The following PLEKHA7 variants were observed in gnomAD, a reference collection of about 807,000 sequenced individuals.
The protein encoded by PLEKHA7 is pleckstrin homology domain containing A7, also known as pleckstrin homology domain-containing family A member 7.
Under a neutral mutation model 170.0 loss-of-function variants are expected in PLEKHA7, and 104 were observed. The ratio of observed to expected loss-of-function variants is 0.61; its 90% CI spans 0.52 to 0.72. PLEKHA7 has a LOEUF of 0.72. PLEKHA7 is among the 30% of genes least tolerant of loss of function. PLEKHA7 has a pLI of 0.00. For synonymous variants in PLEKHA7, 648 were observed against 660.8 expected (o/e 0.98, Z 0.30); for missense variants, 1,615 against 1,671.7 (o/e 0.97, Z 0.59).
chr11:16,871,425 T>C (rs2135675437), intron 3 of PLEKHA7, among the ~76,000 whole-genome samples: 1 of 152,228 alleles, frequency 6.6e-6, no homozygotes, highest in Middle Eastern at 3.4e-3. Flanking sequence ...AAGGAAGTCT[T>C]GGCTCCAAGA....
intron 3 of PLEKHA7, among the ~76,000 whole-genome samples, chr11:16,990,252 C>A (rs966250331): frequency 8.2e-6 from 1 of 122,248 alleles, no homozygotes; most frequent in African/African-American, 3.1e-5. Flanking sequence ...CCAGCCTGGG[C>A]AACAGAGCAA....
At chr11:16,995,544 C>A (rs769321046) in intron 3 of PLEKHA7, among the ~76,000 whole-genome samples, 4 of 152,336 alleles carry the variant, frequency 2.6e-5, no homozygotes, top group Admixed American at 1.3e-4. Flanking sequence ...AGCACCTGCA[C>A]TATTATCCTG....
intron 3 of PLEKHA7, among the ~76,000 whole-genome samples, chr11:17,007,843 G>A (rs1865101534): frequency 6.6e-6 from 1 of 152,234 alleles, no homozygotes; most frequent in East Asian, 1.9e-4. Flanking sequence ...CAAAGTGCTG[G>A]GATTACTGGG....
At chr11:16,935,482 T>C (rs1398137923) in intron 3 of PLEKHA7, among the ~76,000 whole-genome samples, 1 of 152,240 alleles carries the variant, frequency 6.6e-6, no homozygotes, top group African/African-American at 2.4e-5. Context: ...GGCATGTCAG[T>C]GCCCACTGCT....
chr11:16,791,593 G>A lies in PLEKHA7; in HGVS notation c.2746-394C>T. 1 of 470,508 alleles carries A rather than the reference G, an allele frequency of 2.1e-6. No homozygotes were observed. Among genetic ancestry groups the A allele is most frequent in the Middle Eastern group, 3.2e-4 (1 of 3,156 alleles). The allele number at this position is 470,508 out of a possible 1,614,324, so 29.1% of individuals were successfully genotyped here. On this transcript the variant is annotated intron_variant, in intron 19 of 26. Transcript: ENST00000531066. This position sits in a 1 kb window ranked among gnomAD's most constrained non-coding sequence, Gnocchi z 4.5. Reference sequence around the variant, plus strand: ...CTTATCACAGCACCACCTACCTGGAGAGTAACATCTACCCACTCAGCAGTG... The same window carrying A: ...CTTATCACAGCACCACCTACCTGGAAAGTAACATCTACCCACTCAGCAGTG...
intron 3 of PLEKHA7, among the ~76,000 whole-genome samples, chr11:16,916,808 C>T (rs2136206607): frequency 6.6e-6 from 1 of 152,274 alleles, no homozygotes; most frequent in Non-Finnish European, 1.5e-5. Flanking sequence ...CATAAAGGCT[C>T]TTCCCTGCCC....
At chr11:16,802,709 A>G (rs1186484520) in intron 15 of PLEKHA7, among the ~76,000 whole-genome samples, 1 of 152,006 alleles carries the variant, frequency 6.6e-6, no homozygotes, top group Non-Finnish European at 1.5e-5. Context: ...CACCATGCCC[A>G]GCTAATTTTT....
chr11:16,838,688 GTTTTCTTTT>G (rs1237007411), intron 9 of PLEKHA7, among the ~76,000 whole-genome samples: 2 of 113,620 alleles, frequency 1.8e-5, no homozygotes, highest in Non-Finnish European at 3.7e-5. Context: ...GAAATACACA[GTTTTCTTTT>G]TTTTTTTTTT....
rs112091020 is a variant in PLEKHA7 at position 16,861,697 on chromosome 11, T to G, written c.306-5783A>C. Among the ~76,000 whole-genome samples, 287 of 152,234 alleles carry G rather than the reference T, an allele frequency of 1.9e-3. 1 individual carries two copies. The highest frequency in any genetic ancestry group is 1.7e-3 in the Non-Finnish European group (116 of 68,014). On this transcript the variant is annotated intron_variant, in intron 4 of 26. Transcript: ENST00000531066. ...ACACTATGATGGGAGGTTAGAAAGC[T>G]ATAAGGAAACACAAATCTTTTACTG...
At chr11:16,972,975 G>C (rs983750796) in intron 3 of PLEKHA7, among the ~76,000 whole-genome samples, 6 of 152,210 alleles carry the variant, frequency 3.9e-5, no homozygotes, top group African/African-American at 1.4e-4. Flanking sequence ...AAAGAAAGTG[G>C]ATTAATAGCC....
chr11:16,856,273 G>A (rs1022203415), intron 4 of PLEKHA7, among the ~76,000 whole-genome samples: 3 of 152,150 alleles, frequency 2.0e-5, no homozygotes, highest in South Asian at 2.1e-4. Flanking sequence ...TTCTCAGCAC[G>A]CAAGAGCAAT....
chr11:16,988,746 C>T (rs1445611364), intron 3 of PLEKHA7, among the ~76,000 whole-genome samples: 1 of 152,218 alleles, frequency 6.6e-6, no homozygotes, highest in African/African-American at 2.4e-5. Flanking sequence ...GCATCCAGCC[C>T]ATCCCATGCT....
intron 25 of PLEKHA7, 146 bp from the exon 26 acceptor site, chr11:16,783,042 A>G: frequency 6.4e-6 from 6 of 939,998 alleles, no homozygotes; most frequent in Non-Finnish European, 9.3e-6. Context: ...ACAAAGGTAC[A>G]TGCTTTTCCC....
chr11:16,830,929 G>A (rs1851053444), intron 9 of PLEKHA7, among the ~76,000 whole-genome samples: 1 of 152,216 alleles, frequency 6.6e-6, no homozygotes, highest in Non-Finnish European at 1.5e-5. Context: ...TACTATGTAT[G>A]TACATGAGTA....
intron 9 of PLEKHA7, 115 bp from the exon 10 acceptor site, chr11:16,826,705 G>T: frequency 2.2e-6 from 2 of 916,104 alleles, no homozygotes; most frequent in South Asian, 1.7e-5. Context: ...TGCTCAGAAC[G>T]CCTTTCATGC....
At chr11:16,871,559 T>G (rs1207788920) in intron 3 of PLEKHA7, among the ~76,000 whole-genome samples, 1 of 152,188 alleles carries the variant, frequency 6.6e-6, no homozygotes, top group Non-Finnish European at 1.5e-5. Context: ...CAGATGACAC[T>G]TAAGACAGCT....
intron 3 of PLEKHA7, among the ~76,000 whole-genome samples, chr11:16,918,949 G>A (rs1277028491): frequency 3.3e-5 from 5 of 152,130 alleles, no homozygotes; most frequent in African/African-American, 1.2e-4. Context: ...GGTGGCTCAT[G>A]CCTATAATGC....
At chr11:16,864,427 A>G (rs769393663) in intron 4 of PLEKHA7, among the ~76,000 whole-genome samples, 3 of 152,180 alleles carry the variant, frequency 2.0e-5, no homozygotes, top group Non-Finnish European at 2.9e-5. Context: ...GAGGTAAAAT[A>G]CTTCATTTAA....
chr11:16,877,941 T>A (rs1855428227), intron 3 of PLEKHA7, among the ~76,000 whole-genome samples: 1 of 152,212 alleles, frequency 6.6e-6, no homozygotes, highest in South Asian at 2.1e-4. Flanking sequence ...AGGTACTCAA[T>A]TAATGTTTGT....
Sources: gnomAD v4.1 joint callset for allele counts (sites outside exome capture counted in the v4.1 genomes callset) on GRCh38, gnomAD v4.1.1 for gene constraint, Gnocchi (gnomAD v3.1) non-coding constraint, MANE v1.5 for transcripts, NCBI Gene and HGNC (gene_info 2026-07-23, HGNC 2026-07-21) for gene names.